The following CLMP variants were observed in gnomAD, a reference collection of about 807,000 sequenced individuals.
The protein encoded by CLMP is CXADR like cell adhesion molecule, also known as CXADR-like membrane protein.
Under a neutral mutation model 45.2 loss-of-function variants are expected in CLMP, and 27 were observed. The observed-to-expected ratio is 0.60, with a 90% CI of 0.44 to 0.82. The LOEUF (loss-of-function observed/expected upper bound fraction) is 0.82, where lower values mean the gene tolerates loss of function less well. CLMP is among the 40% of genes least tolerant of loss of function. CLMP has a pLI of 0.00. For missense variants in CLMP, 403 were observed against 448.4 expected (o/e 0.90, Z 0.91); for synonymous variants, 167 against 171.4 (o/e 0.97, Z 0.20).
At chr11:123,165,203 C>T (rs1019242971) in intron 1 of CLMP, among the ~76,000 whole-genome samples, 3 of 152,146 alleles carry the variant, frequency 2.0e-5, no homozygotes, top group Admixed American at 6.5e-5. Flanking sequence ...GACAAGGCAT[C>T]CCCCAGGAGG....
At chr11:123,116,480 A>G (rs1018575388) in intron 1 of CLMP, among the ~76,000 whole-genome samples, 2 of 152,116 alleles carry the variant, frequency 1.3e-5, no homozygotes, top group Non-Finnish European at 2.9e-5. Flanking sequence ...AGGCAGGAGA[A>G]TCGCTTGAAC....
rs184570521 is a variant in CLMP at position 123,151,550 on chromosome 11, G to C, written c.28+43363C>G. 3.6e-4 allele frequency among the ~76,000 whole-genome samples: 55 copies of C among 152,288 alleles called. No homozygotes were observed. In the East Asian group the frequency reaches 0.011, roughly 29 times the overall value. On this transcript the variant is annotated intron_variant, in intron 1 of 6. Transcript: ENST00000448775. ...GGTATACAAAAATGAATACAATGCT[G>C]TACTGCCACTTTTCCAGCGGAGGAA...
chr11:123,137,135 T>TTTTTTTC (rs1565393734), intron 1 of CLMP, among the ~76,000 whole-genome samples: 16 of 138,852 alleles, frequency 1.2e-4, no homozygotes, highest in African/African-American at 3.6e-4. Context: ...ACCTTTCTCT[T>TTTTTTTC]TTTTTCTTTT....
intron 1 of CLMP, among the ~76,000 whole-genome samples, chr11:123,141,151 C>T (rs935167975): frequency 3.6e-4 from 49 of 135,116 alleles, no homozygotes; most frequent in Non-Finnish European, 6.3e-5. Flanking sequence ...TTTCTTTGTA[C>T]ATTATCCAAT....
intron 1 of CLMP, among the ~76,000 whole-genome samples, chr11:123,169,643 A>G (rs912080393): frequency 3.9e-5 from 6 of 152,210 alleles, no homozygotes; most frequent in Non-Finnish European, 8.8e-5. Flanking sequence ...TTTGTAAAAC[A>G]TTTGAAGAAA....
intron 1 of CLMP, among the ~76,000 whole-genome samples, chr11:123,164,335 G>C (rs1161950566): frequency 6.6e-6 from 1 of 152,006 alleles, no homozygotes; most frequent in Non-Finnish European, 1.5e-5. Flanking sequence ...AGGAAGTCTT[G>C]CTCTGTCACC....
chr11:123,086,828 C>G (rs938607173), intron 2 of CLMP, among the ~76,000 whole-genome samples: 24 of 152,054 alleles, frequency 1.6e-4, no homozygotes, highest in African/African-American at 5.8e-4. Flanking sequence ...TATAGTGAGC[C>G]AAGACTGCGC....
chr11:123,179,115 T>C (rs573837721), intron 1 of CLMP, among the ~76,000 whole-genome samples: 2 of 152,276 alleles, frequency 1.3e-5, no homozygotes, highest in South Asian at 4.1e-4. Context: ...CATCGCTTTA[T>C]AAATTGGAGG....
chr11:123,128,318 C>T (rs557294188), intron 1 of CLMP, among the ~76,000 whole-genome samples: 13 of 151,816 alleles, frequency 8.6e-5, no homozygotes, highest in South Asian at 8.3e-4. Flanking sequence ...GACTACAAGG[C>T]GGGCATGGTG....
chr11:123,174,091 T>A (rs1011729032), intron 1 of CLMP, among the ~76,000 whole-genome samples: 12 of 151,846 alleles, frequency 7.9e-5, no homozygotes, highest in African/African-American at 1.7e-4. Flanking sequence ...CAAAAAAAAT[T>A]TTTTTTAATA....
rs997839772 is a variant in CLMP at position 123,071,801 on chromosome 11, G to C, written c.*1673C>G. 6.6e-6 allele frequency: 1 copy of C among 152,224 alleles called. No homozygotes were observed. Among genetic ancestry groups the C allele is most frequent in the Admixed American group, 6.5e-5 (1 of 15,282 alleles). The allele number at this position is 152,224 out of a possible 1,614,324, so 9.4% of individuals were successfully genotyped here. A position where few individuals can be genotyped will look rare whatever the true frequency, so the allele number is the denominator to read the frequency against. On this transcript the variant is annotated 3_prime_UTR_variant, in exon 7 of 7. Coordinates refer to ENST00000448775, the MANE Select transcript of CLMP (RefSeq NM_024769.5). ...TAGGGTCCTTGAAGAGCTGATTCAG[G>C]TCCAGCATTTGTGCTGTAGGTATCA...
chr11:123,184,600 C>G (rs1861809966), intron 1 of CLMP, among the ~76,000 whole-genome samples: 2 of 152,116 alleles, frequency 1.3e-5, no homozygotes, highest in African/African-American at 4.8e-5. Context: ...TGGCTCAGAG[C>G]CCATACACGA....
chr11:123,165,157 C>T (rs747256064), intron 1 of CLMP, among the ~76,000 whole-genome samples: 59 of 152,208 alleles, frequency 3.9e-4, no homozygotes, highest in Non-Finnish European at 7.3e-4. Flanking sequence ...CTCATATCCA[C>T]CATAGCATCT....
intron 2 of CLMP, among the ~76,000 whole-genome samples, chr11:123,089,965 G>T (rs1228876816): frequency 6.6e-6 from 1 of 151,198 alleles, no homozygotes. Flanking sequence ...GGGCGTGGTG[G>T]TGCATGCCTG....
chr11:123,194,890 C>T lies in CLMP; in HGVS notation c.28+23G>A, dbSNP rs372397144. On this transcript the variant is annotated intron_variant, in intron 1 of 6. Coordinates refer to ENST00000448775, the MANE Select transcript of CLMP (RefSeq NM_024769.5). ...GCGTTTGCCCACGGCCATCCAAACT[C>T]CCGCCCTCCCAGAGGCACTCACCTA... 1.9e-6 allele frequency: 3 copies of T among 1,613,302 alleles called. No individual in the cohort carries two copies. In the African/African-American group the frequency reaches 4.0e-5, roughly 22 times the overall value.
At chr11:123,097,217 A>T (rs921243836) in intron 2 of CLMP, among the ~76,000 whole-genome samples, 2 of 148,642 alleles carry the variant, frequency 1.3e-5, no homozygotes, top group Admixed American at 1.3e-4. Flanking sequence ...TGCAGTGGCT[A>T]TTTACAGGTG....
At position 123,081,619 on chromosome 11, in the gene CLMP, G is replaced by A. The variant is rs959415397; in HGVS notation, c.679+1466C>T. On this transcript the variant is annotated intron_variant, in intron 5 of 6. Transcript: ENST00000448775. ...GGTGGCGTTGCGCATGCCGGTAATC[G>A]CAGCACTCTGGGAGGTGAAGAAGGG... 2.6e-5 allele frequency among the ~76,000 whole-genome samples: 4 copies of A among 152,062 alleles called. No homozygotes were observed. The South Asian group carries it at 6.2e-4, about 24-fold the overall frequency.
chr11:123,184,153 G>A (rs907918213), intron 1 of CLMP, among the ~76,000 whole-genome samples: 1 of 152,092 alleles, frequency 6.6e-6, no homozygotes, highest in Non-Finnish European at 1.5e-5. Context: ...GGAGTGCAGT[G>A]GTGTGATCTC....
rs551603767 is a variant in CLMP at position 123,156,655 on chromosome 11, G to A, written c.28+38258C>T. ...GCTGGAAGAAGGAAGCGTCATTTGC[G>A]AGTCTTTACCTGTGGTAGGGAAATG... On this transcript the variant is annotated intron_variant, in intron 1 of 6. Coordinates refer to ENST00000448775, the MANE Select transcript of CLMP (RefSeq NM_024769.5). 6.6e-4 allele frequency among the ~76,000 whole-genome samples: 100 copies of A among 152,282 alleles called. 1 individual carries two copies. The highest frequency in any genetic ancestry group is 2.4e-3 in the African/African-American group (98 of 41,566).
Sources: gnomAD v4.1 joint callset for allele counts (sites outside exome capture counted in the v4.1 genomes callset) on GRCh38, gnomAD v4.1.1 for gene constraint, MANE v1.5 for transcripts, NCBI Gene and HGNC (gene_info 2026-07-23, HGNC 2026-07-21) for gene names.